Variants in NECTIN3 observed in about 807,000 individuals in gnomAD.
NECTIN3 encodes the protein nectin-3.
In NECTIN3, 8 loss-of-function variants were observed where a neutral mutation model predicts 49.4. That is an observed-to-expected ratio of 0.16 (90% CI 0.10 to 0.29). The LOEUF (loss-of-function observed/expected upper bound fraction) is 0.29, where lower values mean the gene tolerates loss of function less well. Among genes scored for constraint, NECTIN3 ranks in the 10% least tolerant of loss-of-function variants. The pLI is 1.00. For synonymous variants in NECTIN3, 277 were observed against 241.1 expected (o/e 1.15, Z -1.38); for missense variants, 581 against 654.6 (o/e 0.89, Z 1.23).
chr3:111,099,791 T>C (rs995691042), intron 1 of NECTIN3, among the ~76,000 whole-genome samples: 15 of 152,186 alleles, frequency 9.9e-5, no homozygotes, highest in African/African-American at 3.6e-4. Flanking sequence ...AGAAATCATA[T>C]AGCCTTGTAC....
At position 111,112,156 on chromosome 3, in the gene NECTIN3, G is replaced by C; in HGVS notation, c.287G>C (p.Gly96Ala). Residue 96 changes from glycine (G) to alanine (A), a missense_variant, in exon 2 of 6, where the codon GGC becomes GCC. This residue lies in a region of NECTIN3 where 234 missense variants were observed against 340.6 expected (regional missense o/e 0.69). Transcript: ENST00000485303. The part of the protein sequence containing the change: ...ITQISWEKIH[G>A]KSSQTVAVHH... ...CAGATTTCATGGGAGAAGATACATG[G>C]CAAAAGTTCACAGACTGTTGCAGTT... 1.9e-6 allele frequency: 3 copies of C among 1,613,812 alleles called. No individual in the cohort carries two copies. Among genetic ancestry groups the C allele is most frequent in the Non-Finnish European group, 2.5e-6 (3 of 1,179,884 alleles).
Position 111,134,611 on chromosome 3 carries a change from T to C in NECTIN3, c.*396T>C. On this transcript the variant is annotated 3_prime_UTR_variant, in exon 6 of 6. Coordinates refer to ENST00000485303, the MANE Select transcript of NECTIN3 (RefSeq NM_015480.3). Reference sequence around the variant, plus strand: ...TCTCAAGTATGATGTTTGTTTAACATATACCTCTCAAAATTTATCACCACT... The same window carrying C: ...TCTCAAGTATGATGTTTGTTTAACACATACCTCTCAAAATTTATCACCACT... 1.1e-6 allele frequency: 1 copy of C among 917,286 alleles called. No homozygotes were observed. Among genetic ancestry groups the C allele is most frequent in the East Asian group, 1.2e-4 (1 of 8,528 alleles). The allele number at this position is 917,286 out of a possible 1,614,324, so 56.8% of individuals were successfully genotyped here.
rs373704755 is a variant in NECTIN3, at chr3:111,134,185, C to T, written c.1620C>T (p.Ser540=). The change falls in exon 6 of 6, where the codon TCC becomes TCT. Residue 540 remains serine, a synonymous_variant. Coordinates refer to ENST00000485303, the MANE Select transcript of NECTIN3 (RefSeq NM_015480.3). ...EDDLVSHVDG[S]VISRREWYV ...ACTTAGTTTCACATGTAGATGGTTCCGTAATTTCCAGGAGGGAGTGGTATG... is the reference window on the plus strand; with the variant it reads ...ACTTAGTTTCACATGTAGATGGTTCTGTAATTTCCAGGAGGGAGTGGTATG... 1.4e-5 allele frequency: 23 copies of T among 1,606,882 alleles called. No homozygotes were observed. The East Asian group carries it at 1.8e-4, about 12-fold the overall frequency.
chr3:111,139,812 C>A (rs2034695086), downstream of NECTIN3, among the ~76,000 whole-genome samples: 1 of 151,712 alleles, frequency 6.6e-6, no homozygotes, highest in Admixed American at 6.6e-5. Context: ...GCTACTACAG[C>A]AGTTTGCTAA....
chr3:111,103,705 G>A (rs2033034533), intron 1 of NECTIN3, among the ~76,000 whole-genome samples: 1 of 152,010 alleles, frequency 6.6e-6, no homozygotes, highest in Admixed American at 6.5e-5. Context: ...AGTAGTGAGA[G>A]GGGAAATCCT....
At chr3:111,178,158 A>G (rs1225063290) in intron 7 of NECTIN3, among the ~76,000 whole-genome samples, 1 of 152,218 alleles carries the variant, frequency 6.6e-6, no homozygotes, top group African/African-American at 2.4e-5. Flanking sequence ...TTAAGACAGC[A>G]TTTTCAACAA....
intron 7 of NECTIN3, among the ~76,000 whole-genome samples, chr3:111,160,539 AT>A (rs2035188734): frequency 6.6e-6 from 1 of 152,130 alleles, no homozygotes; most frequent in South Asian, 2.1e-4. Flanking sequence ...GTATCTTGCT[AT>A]TTTTACCGAT....
At chr3:111,105,731 G>A (rs1443549167) in intron 1 of NECTIN3, among the ~76,000 whole-genome samples, 1 of 152,046 alleles carries the variant, frequency 6.6e-6, no homozygotes, top group African/African-American at 2.4e-5. Context: ...TACAATTTTG[G>A]ATATAACTCA....
At chr3:111,157,759 C>T (rs150012266) in intron 7 of NECTIN3, among the ~76,000 whole-genome samples, 1 of 152,120 alleles carries the variant, frequency 6.6e-6, no homozygotes, top group African/African-American at 2.4e-5. Flanking sequence ...AGTTTTAAGG[C>T]CTCTTCCAGT....
chr3:111,159,243 T>C (rs113792588), intron 7 of NECTIN3, among the ~76,000 whole-genome samples: 7 of 152,296 alleles, frequency 4.6e-5, no homozygotes, highest in African/African-American at 1.4e-4. Flanking sequence ...AAATACTGCA[T>C]GTAATTATAA....
Position 111,136,942 on chromosome 3 carries a change from A to G in NECTIN3, c.*2727A>G. 1.0e-6 allele frequency: 1 copy of G among 973,870 alleles called. No individual in the cohort carries two copies. Among genetic ancestry groups the G allele is most frequent in the Non-Finnish European group, 1.2e-6 (1 of 819,612 alleles). The allele number at this position is 973,870 out of a possible 1,614,324, so 60.3% of individuals were successfully genotyped here. On this transcript the variant is annotated 3_prime_UTR_variant, in exon 6 of 6. Coordinates refer to ENST00000485303, the MANE Select transcript of NECTIN3 (RefSeq NM_015480.3). The stretch of plus-strand genomic sequence containing the variant: ...GAGTTGAAAGATTTAGTATTTTACC[A>G]CGTGCCTAGTAGGGTTCTATTTGCT...
chr3:111,099,696 GTCTAACTATGGA>G (rs1375137526), intron 1 of NECTIN3, among the ~76,000 whole-genome samples: 1 of 152,120 alleles, frequency 6.6e-6, no homozygotes, highest in Non-Finnish European at 1.5e-5. Flanking sequence ...GCCTCGCAAA[GTCTAACTATGGA>G]TCAGTCTGGC....
rs1168088542 is a variant in NECTIN3, at chr3:111,168,422, C to T, written c.1221+20938C>T. Among the ~76,000 whole-genome samples, 3 of 151,946 alleles carry T rather than the reference C, an allele frequency of 2.0e-5. 1 individual carries two copies. The highest frequency in any genetic ancestry group is 1.3e-4 in the Admixed American group (2 of 15,270). Reference sequence around the variant, plus strand: ...CATACATACACAGACTTTCTACCCCCGTTTCCCTTTTATATCTTATTACTA... The same window carrying T: ...CATACATACACAGACTTTCTACCCCTGTTTCCCTTTTATATCTTATTACTA... On this transcript the variant is annotated intron_variant, in intron 7 of 8. Transcript: ENST00000493615.
Position 111,134,608 on chromosome 3 carries a change from ACATATACC to A in NECTIN3, c.*394_*401del. 3.3e-6 allele frequency: 3 copies of A among 920,906 alleles called. No individual in the cohort carries two copies. In the South Asian group the frequency reaches 1.5e-4, roughly 46 times the overall value. 57.0% of individuals were successfully genotyped at this position (920,906 alleles called of 1,614,324 possible). On this transcript the variant is annotated 3_prime_UTR_variant, in exon 6 of 6. Transcript: ENST00000485303. ...TAATCTCAAGTATGATGTTTGTTTA[ACATATACC>A]TCTCAAAATTTATCACCACTCAATG...
intron 7 of NECTIN3, among the ~76,000 whole-genome samples, chr3:111,154,554 T>C (rs2035061715): frequency 6.6e-6 from 1 of 152,160 alleles, no homozygotes; most frequent in African/African-American, 2.4e-5. Context: ...AAGTATGTGT[T>C]TAACTTTCTA....
intron 7 of NECTIN3, among the ~76,000 whole-genome samples, chr3:111,186,201 A>G (rs2107535527): frequency 6.6e-6 from 1 of 152,138 alleles, no homozygotes. Context: ...GAATTAGGAA[A>G]AACTATTTTA....
chr3:111,084,582 T>C (rs1303456058), intron 1 of NECTIN3, among the ~76,000 whole-genome samples: 1 of 152,064 alleles, frequency 6.6e-6, no homozygotes, highest in Non-Finnish European at 1.5e-5. Flanking sequence ...TGTGATAGGG[T>C]GTCTGAAAGT....
In NECTIN3 at chr3:111,183,260, C is replaced by G. The variant is rs75547733; in HGVS notation, c.1222-9091C>G. Among the ~76,000 whole-genome samples, 3,207 of 151,758 alleles carry G rather than the reference C, an allele frequency of 0.021. 174 individuals carry two copies. In the East Asian group the frequency reaches 0.23, roughly 11 times the overall value. ...TTCAACCTGAATACCTTTTCCATAA[C>G]ATTTCTTATGTTACAGATCTACTGA... On this transcript the variant is annotated intron_variant, in intron 7 of 8. Coordinates refer to the NECTIN3 transcript ENST00000493615.
At chr3:111,176,898 C>G (rs777312529) in intron 7 of NECTIN3, among the ~76,000 whole-genome samples, 3 of 152,132 alleles carry the variant, frequency 2.0e-5, no homozygotes, top group Non-Finnish European at 2.9e-5. Context: ...TGTATTGTCT[C>G]ATCTTTCAAT....
Sources: gnomAD v4.1 joint callset for allele counts (sites outside exome capture counted in the v4.1 genomes callset) on GRCh38, gnomAD v4.1.1 for gene constraint, gnomAD v4.1.1 regional missense constraint, MANE v1.5 for transcripts, NCBI Gene and HGNC (gene_info 2026-07-23, HGNC 2026-07-21) for gene names.